CAGE1: variants seen among roughly 807,000 people sequenced by gnomAD.
CAGE1 encodes the protein cancer-associated gene 1 protein.
Under a neutral mutation model 94.9 loss-of-function variants are expected in CAGE1, and 66 were observed. The ratio of observed to expected loss-of-function variants is 0.70; its 90% CI spans 0.57 to 0.85. The LOEUF (loss-of-function observed/expected upper bound fraction) is 0.85, where lower values mean the gene tolerates loss of function less well. Ranked by LOEUF, CAGE1 falls within the 40% of genes least tolerant of loss-of-function variation. The pLI is 0.00. For synonymous variants in CAGE1, 319 were observed against 321.0 expected (o/e 0.99, Z 0.07); for missense variants, 865 against 950.4 (o/e 0.91, Z 1.18).
chr6:7,354,900 C>T (rs1323067367), intron 11 of CAGE1, 141 bp downstream of exon 11: 4 of 581,212 alleles, frequency 6.9e-6, no homozygotes, highest in East Asian at 2.9e-5. Flanking sequence ...CAGTCTATAC[C>T]TATATTAATA....
At chr6:7,338,068 T>A (rs530896719) in intron 11 of CAGE1, among the ~76,000 whole-genome samples, 2,811 of 152,276 alleles carry the variant, frequency 0.018, 94 homozygotes, top group African/African-American at 0.064. Flanking sequence ...GTAGTTTATA[T>A]TTTTGGTGCT....
At chr6:7,345,032 T>G (rs1383269539) in intron 11 of CAGE1, among the ~76,000 whole-genome samples, 3 of 152,086 alleles carry the variant, frequency 2.0e-5, no homozygotes, top group Non-Finnish European at 2.9e-5. Context: ...AAAACCAGGG[T>G]GCCCAAGCCA....
intron 13 of CAGE1, among the ~76,000 whole-genome samples, chr6:7,328,772 CAAAG>C (rs1455449193): frequency 6.6e-6 from 1 of 151,492 alleles, no homozygotes; most frequent in Non-Finnish European, 1.5e-5. Context: ...CCTCCCAACA[CAAAG>C]AACTGATGAA....
In CAGE1 at chr6:7,369,906, T is replaced by C. The variant is rs760979124; in HGVS notation, c.1893+13A>G. 15 of 1,602,122 alleles carry C rather than the reference T, an allele frequency of 9.4e-6. No homozygotes were observed. The highest frequency in any genetic ancestry group is 5.4e-5 in the African/African-American group (4 of 74,032). On this transcript the variant is annotated intron_variant, in intron 6 of 13. Transcript: ENST00000502583. The stretch of plus-strand genomic sequence containing the variant: ...CTCCCCTACTAAAATATCTAATATA[T>C]ATGTTTTATTACCTGGCATGTGAGA...
At chr6:7,381,080 GTTTC>G (rs1213243753) in intron 3 of CAGE1, among the ~76,000 whole-genome samples, 2 of 152,226 alleles carry the variant, frequency 1.3e-5, no homozygotes, top group South Asian at 4.1e-4. Flanking sequence ...GGTCTTACAG[GTTTC>G]TTTTTCTGTG....
intron 11 of CAGE1, among the ~76,000 whole-genome samples, chr6:7,344,901 G>A (rs922463578): frequency 6.6e-6 from 1 of 152,154 alleles, no homozygotes; most frequent in Non-Finnish European, 1.5e-5. Flanking sequence ...TAATCTGGTG[G>A]GGACGTGCAG....
chr6:7,360,051 C>T (rs1760115954), intron 9 of CAGE1, among the ~76,000 whole-genome samples: 1 of 152,166 alleles, frequency 6.6e-6, no homozygotes, highest in African/African-American at 2.4e-5. Flanking sequence ...TAGGTCCCCT[C>T]TCTTCATCTT....
chr6:7,339,362 C>G lies in CAGE1; in HGVS notation c.2370-5272G>C. On this transcript the variant is annotated intron_variant, in intron 11 of 13. Coordinates refer to ENST00000502583, the MANE Select transcript of CAGE1 (RefSeq NM_001170692.2). This position sits in a 1 kb window ranked among gnomAD's most constrained non-coding sequence, Gnocchi z 4.7. ...CAAACCTCTTCTGAACTACAGCAGT[C>G]AGTTCCCGAATCCGCCGGCCCTTCT... The G allele has an allele frequency of 1.2e-6, 2 of 1,609,174 alleles. No individual in the cohort carries two copies. The highest frequency in any genetic ancestry group is 1.7e-6 in the Non-Finnish European group (2 of 1,176,138).
At position 7,373,554 on chromosome 6, in the gene CAGE1, TC is replaced by T; in HGVS notation, c.1264del (p.Glu422LysfsTer4). The T allele has an allele frequency of 6.2e-7, 1 of 1,613,538 alleles. No homozygotes were observed. Among genetic ancestry groups the T allele is most frequent in the Non-Finnish European group, 8.5e-7 (1 of 1,179,790 alleles). On this transcript the variant is annotated frameshift_variant, in exon 5 of 14. Coordinates refer to ENST00000502583, the MANE Select transcript of CAGE1 (RefSeq NM_001170692.2). LOFTEE classifies it high-confidence loss of function. The stretch of plus-strand genomic sequence containing the variant: ...TTGTTGCATTTCAGTCATGTACCTT[TC>T]CTGTAAACACACATAATTAGCCTTG... The part of the protein sequence containing the change: ...KIKANYVCLQ[E>X]RYMTEMQQKN...
At chr6:7,348,005 AGGGCATATATTCTT>A (rs140281925) in intron 11 of CAGE1, among the ~76,000 whole-genome samples, 1,693 of 151,818 alleles carry the variant, frequency 0.011, 25 homozygotes, top group African/African-American at 0.039. Flanking sequence ...CTGAAGACAA[AGGGCATATATTCTT>A]GGGAGTTCTA....
chr6:7,369,074 T>C (rs1290811210), intron 6 of CAGE1, among the ~76,000 whole-genome samples: 2 of 151,552 alleles, frequency 1.3e-5, no homozygotes, highest in East Asian at 3.9e-4. Flanking sequence ...AGTGGCGCGA[T>C]CTCTGCTCAC....
chr6:7,358,162 C>T (rs949589973), intron 9 of CAGE1, among the ~76,000 whole-genome samples: 11 of 150,012 alleles, frequency 7.3e-5, no homozygotes, highest in African/African-American at 2.7e-4. Context: ...CAATCCCTCC[C>T]TCCTGCCCAT....
In CAGE1 at chr6:7,373,792, T is replaced by C; in HGVS notation, c.1027A>G (p.Lys343Glu). The change falls in exon 5 of 14, where the codon AAG (lysine) becomes GAG (glutamate). Residue 343 changes from lysine to glutamate, a missense_variant. Lys to Glu is a moderately conservative substitution (Grantham distance 56). Coordinates refer to ENST00000502583, the MANE Select transcript of CAGE1 (RefSeq NM_001170692.2). Reference sequence around the variant, plus strand: ...ATGAACACTTGCTGTTTGGTAATCTTCATCTGTAGTTCTTTAACCCTCTTC... The same window carrying C: ...ATGAACACTTGCTGTTTGGTAATCTCCATCTGTAGTTCTTTAACCCTCTTC... ...LEKRVKELQM[K>E]ITKQQVFIDV... The C allele has an allele frequency of 6.2e-7, 1 of 1,613,904 alleles. No individual in the cohort carries two copies. Among genetic ancestry groups the C allele is most frequent in the Non-Finnish European group, 8.5e-7 (1 of 1,179,800 alleles).
intron 11 of CAGE1, chr6:7,347,248 G>C (rs1253878516): frequency 6.6e-6 from 1 of 152,180 alleles, no homozygotes; most frequent in Non-Finnish European, 1.5e-5. Flanking sequence ...CAGGAGCTGG[G>C]AGACACCCCA....
At chr6:7,329,963 G>A (rs1022294858) in intron 12 of CAGE1, 75 bp from the exon 13 acceptor site, 19 of 631,844 alleles carry the variant, frequency 3.0e-5, no homozygotes, top group East Asian at 1.4e-4. Flanking sequence ...TGAGCAAGTT[G>A]CCATTATTTA....
At chr6:7,331,421 G>T in intron 12 of CAGE1, 1 of 609,986 alleles carries the variant, frequency 1.6e-6, no homozygotes, top group Non-Finnish European at 2.7e-6. Flanking sequence ...CAATGATAAG[G>T]CTACCAAAGA....
intron 3 of CAGE1, among the ~76,000 whole-genome samples, chr6:7,380,375 G>C (rs890301482): frequency 1.3e-5 from 2 of 152,104 alleles, no homozygotes; most frequent in Non-Finnish European, 2.9e-5. Context: ...AGTGGTTTAC[G>C]CCTGTAATCC....
At chr6:7,341,724 C>T (rs968445765) in intron 11 of CAGE1, 13 of 697,348 alleles carry the variant, frequency 1.9e-5, no homozygotes, top group East Asian at 6.1e-5. Flanking sequence ...AGGGAGCAGG[C>T]GCCAGGAAGG....
chr6:7,389,185 TG>T lies in CAGE1; in HGVS notation c.-24+16del. On this transcript the variant is annotated intron_variant, in intron 1 of 13. Coordinates refer to ENST00000502583, the MANE Select transcript of CAGE1 (RefSeq NM_001170692.2). ...AGTTTTGTTTAAAAGCTTTTTCAGT[TG>T]TAAGACAAACTTTACCTTTTTAAAA... 1 of 446,744 alleles carries T rather than the reference TG, an allele frequency of 2.2e-6. No homozygotes were observed. Among genetic ancestry groups the T allele is most frequent in the South Asian group, 1.6e-5 (1 of 64,102 alleles). The allele number at this position is 446,744 out of a possible 1,614,324, so 27.7% of individuals were successfully genotyped here.
Sources: gnomAD v4.1 joint callset for allele counts (sites outside exome capture counted in the v4.1 genomes callset) on GRCh38, gnomAD v4.1.1 for gene constraint, Gnocchi (gnomAD v3.1) non-coding constraint, MANE v1.5 for transcripts, NCBI Gene and HGNC (gene_info 2026-07-23, HGNC 2026-07-21) for gene names.